Variants in GRAMD2B observed in about 807,000 individuals in gnomAD.
GRAMD2B encodes the protein GRAM domain-containing protein 2B.
Under a neutral mutation model 59.2 loss-of-function variants are expected in GRAMD2B, and 41 were observed. The ratio of observed to expected loss-of-function variants is 0.69; its 90% CI spans 0.54 to 0.90. The LOEUF is 0.90. Ranked by LOEUF, GRAMD2B falls within the 40% of genes least tolerant of loss-of-function variation. The pLI, the probability that GRAMD2B is intolerant of heterozygous loss-of-function variation, is 0.00. For missense variants in GRAMD2B, 424 were observed against 500.5 expected, an observed-to-expected ratio of 0.85 and a Z score of 1.46; for synonymous variants, 161 against 182.7, an observed-to-expected ratio of 0.88 and a Z score of 0.96.
intron 8 of GRAMD2B, among the ~76,000 whole-genome samples, chr5:126,481,374 C>T (rs1014147629): frequency 1.3e-5 from 2 of 152,070 alleles, no homozygotes; most frequent in Non-Finnish European, 2.9e-5. Context: ...GATTTGTACC[C>T]ATAATGGTTA....
chr5:126,472,426 AATAAC>A (rs1561579452), intron 4 of GRAMD2B, 122 bp downstream of exon 4: 5 of 696,882 alleles, frequency 7.2e-6, no homozygotes, highest in East Asian at 2.6e-5. Flanking sequence ...TTCTGAAAGT[AATAAC>A]ATAACAATAA....
At chr5:126,409,970 C>G (rs1030814378) in intron 1 of GRAMD2B, among the ~76,000 whole-genome samples, 12 of 151,410 alleles carry the variant, frequency 7.9e-5, no homozygotes, top group Middle Eastern at 3.2e-3. Flanking sequence ...GCTTGTTTTT[C>G]TCAGGTTTGT....
chr5:126,491,438 C>A (rs1445288141), intron 13 of GRAMD2B, among the ~76,000 whole-genome samples: 1 of 152,122 alleles, frequency 6.6e-6, no homozygotes, highest in Admixed American at 6.5e-5. Context: ...TGTTCTTATC[C>A]CTGCTCCACT....
chr5:126,416,094 A>T (rs1004593427), intron 1 of GRAMD2B, among the ~76,000 whole-genome samples: 1 of 152,232 alleles, frequency 6.6e-6, no homozygotes, highest in East Asian at 1.9e-4. Context: ...AAGTAGCTGT[A>T]TGAATGTTTC....
chr5:126,493,056 G>A lies in GRAMD2B; in HGVS notation c.*100G>A. 1 of 822,186 alleles carries A rather than the reference G, an allele frequency of 1.2e-6. No individual in the cohort carries two copies. The highest frequency in any genetic ancestry group is 2.1e-6 in the Non-Finnish European group (1 of 485,482). The allele number at this position is 822,186 out of a possible 1,614,324, so 50.9% of individuals were successfully genotyped here. ...TGAGTGCACCCTGCTGGTCAGAGGT[G>A]CAAGCAGATGAGAATCCAGACATTG... is the stretch of plus-strand genomic sequence containing the variant. On this transcript the variant is annotated 3_prime_UTR_variant, in exon 14 of 14. Transcript: ENST00000285689.
At chr5:126,392,750 C>T (rs1422809472) in intron 1 of GRAMD2B, among the ~76,000 whole-genome samples, 1 of 152,136 alleles carries the variant, frequency 6.6e-6, no homozygotes, top group East Asian at 1.9e-4. Context: ...GAAACGGTTT[C>T]ATGATAAAAC....
intron 3 of GRAMD2B, among the ~76,000 whole-genome samples, chr5:126,470,536 AC>A (rs1769346073): frequency 1.3e-5 from 2 of 152,040 alleles, no homozygotes; most frequent in South Asian, 4.2e-4. Context: ...ATCAAGAGTC[AC>A]ATACTGCATG....
chr5:126,464,254 A>G (rs1173799292), intron 1 of GRAMD2B, among the ~76,000 whole-genome samples: 2 of 152,238 alleles, frequency 1.3e-5, no homozygotes, highest in Admixed American at 6.5e-5. Flanking sequence ...TAGGTGGTAA[A>G]TGAAAGTGAA....
At chr5:126,454,506 A>G (rs1446206621) in intron 1 of GRAMD2B, among the ~76,000 whole-genome samples, 2 of 152,358 alleles carry the variant, frequency 1.3e-5, no homozygotes, top group Admixed American at 1.3e-4. Context: ...TGTCTCTCCA[A>G]AATCAGAATC....
At chr5:126,484,378 C>G in intron 9 of GRAMD2B, 24 bp from the exon 10 acceptor site, 1 of 1,609,002 alleles carries the variant, frequency 6.2e-7, no homozygotes. Context: ...AGAACACTTA[C>G]CCAGCTCTGT....
chr5:126,472,322 T>C lies in GRAMD2B; in HGVS notation c.382+18T>C. ...GAAGCAAAGTAAGTTCTGACCTGTTTGACTTTTTAAGCTACATATTTGAAA... is the reference window on the plus strand; with the variant it reads ...GAAGCAAAGTAAGTTCTGACCTGTTCGACTTTTTAAGCTACATATTTGAAA... On this transcript the variant is annotated intron_variant, in intron 4 of 13. Coordinates refer to ENST00000285689, the MANE Select transcript of GRAMD2B (RefSeq NM_023927.4). 6.2e-7 allele frequency: 1 copy of C among 1,607,214 alleles called. No individual in the cohort carries two copies. Among genetic ancestry groups the C allele is most frequent in the Non-Finnish European group, 8.5e-7 (1 of 1,173,936 alleles).
intron 1 of GRAMD2B, among the ~76,000 whole-genome samples, chr5:126,377,252 C>T (rs1214095713): frequency 6.6e-6 from 1 of 151,006 alleles, no homozygotes; most frequent in Admixed American, 6.6e-5. Context: ...CCACCCACAC[C>T]CCCACTCTCA....
At position 126,493,442 on chromosome 5, in the gene GRAMD2B, G is replaced by C. The variant is rs1774272902; in HGVS notation, c.*486G>C. 6.5e-6 allele frequency: 1 copy of C among 153,182 alleles called. No individual in the cohort carries two copies. The highest frequency in any genetic ancestry group is 1.5e-5 in the Non-Finnish European group (1 of 68,478). The allele number at this position is 153,182 out of a possible 1,614,324, so 9.5% of individuals were successfully genotyped here. A position where few individuals can be genotyped will look rare whatever the true frequency, so the allele number is the denominator to read the frequency against. On this transcript the variant is annotated 3_prime_UTR_variant, in exon 14 of 14. Transcript: ENST00000285689. ...GGCAATAAATGGCTCTAAGTGGACA[G>C]GTTTGCTTCAAACAAGTAACATCTA...
intron 1 of GRAMD2B, among the ~76,000 whole-genome samples, chr5:126,379,597 T>C (rs1022326076): frequency 1.3e-5 from 2 of 152,022 alleles, no homozygotes; most frequent in East Asian, 3.9e-4. Flanking sequence ...ATTATGGCCA[T>C]TCTTGCAGGA....
At chr5:126,484,260 C>T in intron 9 of GRAMD2B, 142 bp from the exon 10 acceptor site, 1 of 902,386 alleles carries the variant, frequency 1.1e-6, no homozygotes, top group Non-Finnish European at 1.6e-6. Flanking sequence ...ATTTCAGCCC[C>T]AGCCACCACA....
chr5:126,475,803 A>G (rs532517065), intron 5 of GRAMD2B, among the ~76,000 whole-genome samples: 3 of 152,132 alleles, frequency 2.0e-5, no homozygotes, highest in East Asian at 3.9e-4. Flanking sequence ...CATCTCTACT[A>G]AAAATACAAA....
At chr5:126,483,394 G>A in intron 8 of GRAMD2B, 69 bp from the exon 9 acceptor site, 2 of 886,870 alleles carry the variant, frequency 2.3e-6, no homozygotes, top group Non-Finnish European at 3.8e-6. Flanking sequence ...GAAAGGGCTG[G>A]GAGTTACAAA....
Position 126,443,908 on chromosome 5 carries a change from T to A in GRAMD2B, c.83+20219T>A, listed in dbSNP as rs905131520. Among the ~76,000 whole-genome samples the A allele has an allele frequency of 1.1e-4, 17 of 151,998 alleles. 1 individual carries two copies. Among genetic ancestry groups the A allele is most frequent in the African/African-American group, 4.1e-4 (17 of 41,378 alleles). The stretch of plus-strand genomic sequence containing the variant: ...CTACTAAAAAATACCAAAAATTAGC[T>A]GGACGTGGTGGTGGGCGCCTGTAAT... On this transcript the variant is annotated intron_variant, in intron 1 of 13. Transcript: ENST00000285689.
chr5:126,372,687 T>C (rs949318785), intron 1 of GRAMD2B, among the ~76,000 whole-genome samples: 12 of 152,138 alleles, frequency 7.9e-5, no homozygotes, highest in Non-Finnish European at 8.8e-5. Context: ...TATTAGTAGT[T>C]GAGCAAGGGT....
Sources: allele counts gnomAD v4.1 joint callset (sites outside exome capture counted in the v4.1 genomes callset), GRCh38; gene constraint gnomAD v4.1.1; transcripts MANE v1.5; gene names NCBI Gene and HGNC (gene_info 2026-07-23, HGNC 2026-07-21).